Variants in NAT1 observed in about 807,000 individuals in gnomAD.
NAT1 encodes the protein arylamine N-acetyltransferase 1.
For synonymous variants in NAT1, 144 were observed against 122.6 expected (o/e 1.17, Z -1.16); for missense variants, 400 against 339.2 (o/e 1.18, Z -1.41).
At chr8:18,194,949 T>C (rs755288833) in intron 2 of NAT1, among the ~76,000 whole-genome samples, 1 of 152,190 alleles carries the variant, frequency 6.6e-6, no homozygotes, top group Non-Finnish European at 1.5e-5. Context: ...GTTAGATGGA[T>C]ACCTGCATGT....
chr8:18,209,925 C>T (rs946184369), upstream of NAT1: 2 of 152,028 alleles, frequency 1.3e-5, no homozygotes, highest in African/African-American at 2.4e-5. Context: ...TGGGGATAAT[C>T]GGACAATACA....
At chr8:18,185,890 G>T (rs1275305315) in intron 2 of NAT1, among the ~76,000 whole-genome samples, 1 of 151,942 alleles carries the variant, frequency 6.6e-6, no homozygotes, top group Non-Finnish European at 1.5e-5. Flanking sequence ...TTTTATCATG[G>T]TTTCTTCTTT....
chr8:18,197,126 C>A (rs2117277884), intron 2 of NAT1, among the ~76,000 whole-genome samples: 1 of 152,244 alleles, frequency 6.6e-6, no homozygotes, highest in African/African-American at 2.4e-5. Context: ...ATTATGAGAA[C>A]AGCATGGGGA....
chr8:18,222,734 T>A lies in NAT1; in HGVS notation c.687T>A (p.Asp229Glu). The change falls in exon 3 of 3, where the codon GAT becomes GAA. Residue 229 changes from aspartate (D) to glutamate (E), a missense_variant. By Grantham distance (45) the Asp-to-Glu change is conservative. Coordinates refer to ENST00000307719, the MANE Select transcript of NAT1 (RefSeq NM_000662.8). ...SKSFCSLQTP[D>E]GVHCLVGFTL... Reference sequence around the variant, plus strand: ...CATTTTGTTCCTTGCAGACCCCAGATGGGGTTCACTGTTTGGTGGGCTTCA... The same window carrying A: ...CATTTTGTTCCTTGCAGACCCCAGAAGGGGTTCACTGTTTGGTGGGCTTCA... 2 of 1,613,966 alleles carry A rather than the reference T, an allele frequency of 1.2e-6. No individual in the cohort carries two copies. Among genetic ancestry groups the A allele is most frequent in the Non-Finnish European group, 1.7e-6 (2 of 1,179,940 alleles).
intron 1 of NAT1, among the ~76,000 whole-genome samples, chr8:18,214,716 G>A (rs528568285): frequency 6.6e-6 from 1 of 151,976 alleles, no homozygotes; most frequent in Non-Finnish European, 1.5e-5. Context: ...AAATCCAGGG[G>A]TACATGTACA....
chr8:18,191,923 G>C (rs1803007684), intron 2 of NAT1, among the ~76,000 whole-genome samples: 1 of 152,124 alleles, frequency 6.6e-6, no homozygotes, highest in African/African-American at 2.4e-5. Flanking sequence ...TAGGACATAG[G>C]CATGGGCAAG....
At chr8:18,191,685 C>A (rs1802997416) in intron 2 of NAT1, among the ~76,000 whole-genome samples, 1 of 152,078 alleles carries the variant, frequency 6.6e-6, no homozygotes. Flanking sequence ...AGAAATAACG[C>A]CGCATATCTA....
At chr8:18,222,016 G>T (rs757469995) in intron 2 of NAT1, 26 bp from the exon 3 acceptor site, 6 of 1,573,488 alleles carry the variant, frequency 3.8e-6, no homozygotes, top group Non-Finnish European at 5.2e-6. Flanking sequence ...AAAATGATTT[G>T]CTTTCGTTTT....
At chr8:18,215,398 G>C (rs1804544262) in intron 1 of NAT1, among the ~76,000 whole-genome samples, 1 of 152,106 alleles carries the variant, frequency 6.6e-6, no homozygotes, top group Admixed American at 6.5e-5. Context: ...GGAATATCAA[G>C]CTTTTCTGCC....
Position 18,222,437 on chromosome 8 carries a change from G to A in NAT1, c.390G>A (p.Gln130=), listed in dbSNP as rs376036465. 8 of 1,614,014 alleles carry A rather than the reference G, an allele frequency of 5.0e-6. No individual in the cohort carries two copies. The East Asian group carries it at 6.7e-5, about 13-fold the overall frequency. ...ATGCTGGGTTTGGACGCTCATACCA[G>A]ATGTGGCAGCCTCTGGAGTTAATTT... is the stretch of plus-strand genomic sequence containing the variant. ...IVDAGFGRSY[Q]MWQPLELISG... Residue 130 remains glutamine, a synonymous_variant, in exon 3 of 3, where the codon CAG becomes CAA. Coordinates refer to ENST00000307719, the MANE Select transcript of NAT1 (RefSeq NM_000662.8).
At chr8:18,201,262 A>G (rs1803450154) in intron 2 of NAT1, 1 of 152,148 alleles carries the variant, frequency 6.6e-6, no homozygotes, top group Non-Finnish European at 1.5e-5. Flanking sequence ...TTTGGTTTAA[A>G]CTCATTACCA....
intron 2 of NAT1, among the ~76,000 whole-genome samples, chr8:18,172,645 C>T (rs903967132): frequency 1.3e-5 from 2 of 152,168 alleles, no homozygotes; most frequent in African/African-American, 4.8e-5. Context: ...ACTCTTAACA[C>T]TCAGCCTTTT....
chr8:18,174,659 C>T (rs1251008783), intron 2 of NAT1, among the ~76,000 whole-genome samples: 1 of 152,036 alleles, frequency 6.6e-6, no homozygotes, highest in Non-Finnish European at 1.5e-5. Context: ...TGTGATTTTT[C>T]CCTGTAATAA....
At chr8:18,183,662 G>T (rs1325658965) in intron 2 of NAT1, among the ~76,000 whole-genome samples, 1 of 152,174 alleles carries the variant, frequency 6.6e-6, no homozygotes, top group Non-Finnish European at 1.5e-5. Context: ...GGTTCATCCT[G>T]AGACGAATCC....
At chr8:18,187,014 C>G (rs536017853) in intron 2 of NAT1, among the ~76,000 whole-genome samples, 11 of 152,166 alleles carry the variant, frequency 7.2e-5, no homozygotes, top group African/African-American at 2.6e-4. Flanking sequence ...GTTGGTGACT[C>G]TTGATTTCAT....
chr8:18,208,848 T>G (rs1803851157), upstream of NAT1, among the ~76,000 whole-genome samples: 1 of 152,168 alleles, frequency 6.6e-6, no homozygotes, highest in African/African-American at 2.4e-5. Flanking sequence ...GCAGGAGGAA[T>G]CCAAGTTCCA....
chr8:18,198,975 A>T (rs1402610591), intron 2 of NAT1, among the ~76,000 whole-genome samples: 1 of 151,394 alleles, frequency 6.6e-6, no homozygotes, highest in South Asian at 2.1e-4. Flanking sequence ...TTTTTTTTGG[A>T]AAAAAAAGGG....
intron 2 of NAT1, among the ~76,000 whole-genome samples, chr8:18,172,912 T>G (rs1415536384): frequency 6.6e-6 from 1 of 152,126 alleles, no homozygotes; most frequent in Non-Finnish European, 1.5e-5. Context: ...AGCTGTTGTA[T>G]CTGAAAAGTG....
chr8:18,182,344 A>T (rs551978975), intron 2 of NAT1, among the ~76,000 whole-genome samples: 1 of 152,012 alleles, frequency 6.6e-6, no homozygotes. Flanking sequence ...AATGCCTTTT[A>T]TGTTTTATAC....
Sources: gnomAD v4.1 joint callset for allele counts (sites outside exome capture counted in the v4.1 genomes callset) on GRCh38, gnomAD v4.1.1 for gene constraint, MANE v1.5 for transcripts, NCBI Gene and HGNC (gene_info 2026-07-23, HGNC 2026-07-21) for gene names.